DPP10: variants seen among roughly 807,000 people sequenced by gnomAD.
The protein encoded by DPP10 is inactive dipeptidyl peptidase 10.
A neutral mutation model predicts 120.9 loss-of-function variants in DPP10; 33 were observed. The observed-to-expected ratio is 0.27, with a 90% CI of 0.21 to 0.37. The LOEUF (loss-of-function observed/expected upper bound fraction) is 0.37. Among genes scored for constraint, DPP10 ranks in the 10% least tolerant of loss-of-function variants. The pLI is 1.00. For missense variants in DPP10, 816 were observed against 942.8 expected (o/e 0.87, Z 1.76); for synonymous variants, 337 against 326.1 (o/e 1.03, Z -0.36).
rs181642157 is a variant in DPP10, at chr2:115,494,601, T to A, written c.272-4909T>A. Among the ~76,000 whole-genome samples, 321 of 152,296 alleles carry A rather than the reference T, an allele frequency of 2.1e-3. 3 individuals are homozygous for A. Among genetic ancestry groups the A allele is most frequent in the African/African-American group, 7.5e-3 (310 of 41,576 alleles). On this transcript the variant is annotated intron_variant, in intron 3 of 25. Transcript: ENST00000410059. ...CTAGATTTACCATTGATATATTTAA[T>A]TAAAGAATAAAATCTTGTTGTTTAA...
intron 3 of DPP10, among the ~76,000 whole-genome samples, chr2:115,384,154 C>T (rs1279187237): frequency 3.3e-5 from 5 of 152,162 alleles, no homozygotes; most frequent in South Asian, 2.1e-4. Context: ...TTCTGCTCCT[C>T]TTTCTCCCTC....
chr2:114,579,149 A>C (rs1277949971), intron 1 of DPP10, among the ~76,000 whole-genome samples: 1 of 152,208 alleles, frequency 6.6e-6, no homozygotes. Flanking sequence ...GATTTGGTGA[A>C]TTTAATGTTA....
At chr2:115,700,488 G>T (rs1022545745) in intron 7 of DPP10, among the ~76,000 whole-genome samples, 6 of 152,004 alleles carry the variant, frequency 3.9e-5, no homozygotes, top group African/African-American at 1.5e-4. Flanking sequence ...TATACTTAAT[G>T]GTCAAAGACT....
At chr2:115,499,676 T>C (rs977611512) in intron 4 of DPP10, 72 bp downstream of exon 4, 6 of 1,080,658 alleles carry the variant, frequency 5.6e-6, no homozygotes, top group Non-Finnish European at 7.9e-6. Flanking sequence ...GTACATAACT[T>C]TCTATTCTTC....
chr2:114,640,701 A>T (rs931056021), intron 1 of DPP10, among the ~76,000 whole-genome samples: 4 of 151,866 alleles, frequency 2.6e-5, no homozygotes, highest in African/African-American at 9.7e-5. Flanking sequence ...TTGTCTTTCT[A>T]CCAGTCAACC....
chr2:115,397,934 C>T (rs2104454996), intron 3 of DPP10, among the ~76,000 whole-genome samples: 1 of 152,148 alleles, frequency 6.6e-6, no homozygotes, highest in East Asian at 1.9e-4. Flanking sequence ...AAATGTGTAC[C>T]CTTGGCAAGT....
At chr2:115,760,994 T>G (rs10192494) in intron 11 of DPP10, among the ~76,000 whole-genome samples, 148,013 of 151,874 alleles carry the variant, frequency 0.97, 72,263 homozygotes, top group Middle Eastern at 1. Context: ...CTACTCAGGA[T>G]GCTGAGGCAG....
intron 1 of DPP10, among the ~76,000 whole-genome samples, chr2:115,252,180 G>A (rs2105677270): frequency 6.6e-6 from 1 of 152,048 alleles, no homozygotes; most frequent in Non-Finnish European, 1.5e-5. Context: ...AATATACTTA[G>A]AATCTTAGTA....
intron 5 of DPP10, among the ~76,000 whole-genome samples, chr2:115,661,848 A>C (rs1439619631): frequency 1.3e-5 from 2 of 152,238 alleles, no homozygotes; most frequent in Non-Finnish European, 2.9e-5. Flanking sequence ...CACCTCCTGT[A>C]GTTACTATCA....
At chr2:115,660,382 T>C (rs377267043) in intron 5 of DPP10, among the ~76,000 whole-genome samples, 8 of 152,306 alleles carry the variant, frequency 5.3e-5, no homozygotes, top group East Asian at 1.9e-4. Flanking sequence ...ATAAATCAAA[T>C]ATCTGGACAT....
At chr2:115,024,589 C>G (rs1703320394) in intron 1 of DPP10, among the ~76,000 whole-genome samples, 3 of 150,822 alleles carry the variant, frequency 2.0e-5, no homozygotes, top group Non-Finnish European at 4.4e-5. Context: ...GTATAAAGAT[C>G]AAATTAGGGT....
rs758810611 is a variant in DPP10 at position 115,787,219 on chromosome 2, T to TA, written c.1532-3856dup. The stretch of plus-strand genomic sequence containing the variant: ...AAATGTCACAATGGTTGGTATCTAA[T>TA]AAAAAATTACTAGCTTTGTGAAGAA... On this transcript the variant is annotated intron_variant, in intron 17 of 25. Transcript: ENST00000410059. Among the ~76,000 whole-genome samples, 40 of 152,258 alleles carry TA rather than the reference T, an allele frequency of 2.6e-4. No homozygotes were observed. The East Asian group carries it at 5.4e-3, about 21-fold the overall frequency.
chr2:115,147,608 A>G (rs1368477237), intron 1 of DPP10, among the ~76,000 whole-genome samples: 1 of 152,162 alleles, frequency 6.6e-6, no homozygotes, highest in African/African-American at 2.4e-5. Flanking sequence ...ATTCTCAAAA[A>G]CAAAAGGAAA....
intron 1 of DPP10, among the ~76,000 whole-genome samples, chr2:115,198,484 C>T (rs1235212035): frequency 6.6e-6 from 1 of 152,174 alleles, no homozygotes; most frequent in Non-Finnish European, 1.5e-5. Context: ...TGTATATACA[C>T]CTCCAGATTC....
intron 1 of DPP10, among the ~76,000 whole-genome samples, chr2:114,480,096 A>C (rs140156881): frequency 0.078 from 11,799 of 152,222 alleles, 1,489 homozygotes; most frequent in African/African-American, 0.27. Context: ...CCAAAACACA[A>C]ATGAAAGAAT....
chr2:115,465,082 A>G (rs889482821), intron 3 of DPP10, among the ~76,000 whole-genome samples: 5 of 152,148 alleles, frequency 3.3e-5, no homozygotes, highest in Admixed American at 1.3e-4. Context: ...AAAAGCAACA[A>G]TATAAAGAGG....
At chr2:114,871,930 G>A (rs977436474) in intron 1 of DPP10, among the ~76,000 whole-genome samples, 6 of 152,186 alleles carry the variant, frequency 3.9e-5, no homozygotes, top group African/African-American at 9.7e-5. Context: ...TATGAACTGT[G>A]CATGTGAAGG....
chr2:114,760,919 CAAA>C (rs1457059568), intron 1 of DPP10, among the ~76,000 whole-genome samples: 1 of 151,990 alleles, frequency 6.6e-6, no homozygotes, highest in Non-Finnish European at 1.5e-5. Context: ...TATTTAGAAA[CAAA>C]AAGGATAGCT....
intron 1 of DPP10, among the ~76,000 whole-genome samples, chr2:114,892,301 G>A (rs577825199): frequency 3.2e-4 from 48 of 152,078 alleles, no homozygotes; most frequent in Non-Finnish European, 6.2e-4. Flanking sequence ...TTAACCATCT[G>A]CCTCTGCTAC....
Sources: allele counts gnomAD v4.1 joint callset (sites outside exome capture counted in the v4.1 genomes callset), GRCh38; gene constraint gnomAD v4.1.1; transcripts MANE v1.5; gene names NCBI Gene and HGNC (gene_info 2026-07-23, HGNC 2026-07-21).